The following ATXN10 variants were observed in gnomAD, a reference collection of about 807,000 sequenced individuals.
ATXN10 encodes ataxin 10, also known as ataxin-10.
A neutral mutation model predicts 52.9 loss-of-function variants in ATXN10; 28 were observed. The observed-to-expected ratio is 0.53, with a 90% CI of 0.39 to 0.73. ATXN10 has a LOEUF of 0.73. ATXN10 is among the 30% of genes least tolerant of loss of function. ATXN10 has a pLI of 0.00. For synonymous variants in ATXN10, 226 were observed against 221.5 expected (o/e 1.02, Z -0.18); for missense variants, 565 against 577.0 (o/e 0.98, Z 0.21).
At position 45,705,737 on chromosome 22, in the gene ATXN10, A is replaced by T. The variant is rs73441165; in HGVS notation, c.647+2890A>T. Among the ~76,000 whole-genome samples the T allele has an allele frequency of 7.2e-5, 11 of 152,030 alleles. No individual in the cohort carries two copies. The highest frequency in any genetic ancestry group is 3.3e-4 in the Admixed American group (5 of 15,266). The stretch of plus-strand genomic sequence containing the variant: ...GCGTGAGCCACCGCGCCCGGCCTCC[A>T]CTTGTTACGGGTCTATTCAGATTGT... On this transcript the variant is annotated intron_variant, in intron 5 of 11. Transcript: ENST00000252934. The surrounding 1 kb of genome is among the most constrained non-coding windows in gnomAD (Gnocchi z 5.2).
intron 1 of ATXN10, among the ~76,000 whole-genome samples, chr22:45,686,468 G>A (rs1198302582): frequency 6.6e-6 from 1 of 152,200 alleles, no homozygotes; most frequent in African/African-American, 2.4e-5. Context: ...CATAGAGGGA[G>A]TCTGTTTGTC....
At position 45,737,478 on chromosome 22, in the gene ATXN10, A is replaced by G. The variant is rs561790027; in HGVS notation, c.895-1253A>G. On this transcript the variant is annotated intron_variant, in intron 7 of 11. Coordinates refer to ENST00000252934, the MANE Select transcript of ATXN10 (RefSeq NM_013236.4). Reference sequence around the variant, plus strand: ...CTACTAATCTAGACTTCTAATCTAGATTTTCCCACTTAACTCTTTAGCAAA... The same window carrying G: ...CTACTAATCTAGACTTCTAATCTAGGTTTTCCCACTTAACTCTTTAGCAAA... 3.3e-5 allele frequency among the ~76,000 whole-genome samples: 5 copies of G among 152,258 alleles called. No homozygotes were observed. In the East Asian group the frequency reaches 9.7e-4, roughly 29 times the overall value.
Position 45,757,731 on chromosome 22 carries a change from ATATT to A in ATXN10, c.1173+17198_1173+17201del, listed in dbSNP as rs1228761988. Among the ~76,000 whole-genome samples the A allele has an allele frequency of 3.3e-5, 5 of 152,154 alleles. No individual in the cohort carries two copies. The highest frequency in any genetic ancestry group is 1.2e-4 in the African/African-American group (5 of 41,444). On this transcript the variant is annotated intron_variant, in intron 9 of 11. Coordinates refer to ENST00000252934, the MANE Select transcript of ATXN10 (RefSeq NM_013236.4). This position sits in a 1 kb window ranked among gnomAD's most constrained non-coding sequence, Gnocchi z 4.6. ...TTATAAGTCATATTGTTTTGAAATTATATTTATTAAAAATGTGATTAGAGTTATA... is the reference window on the plus strand; with the variant it reads ...TTATAAGTCATATTGTTTTGAAATTATATTAAAAATGTGATTAGAGTTATA...
chr22:45,794,945 TTAAAG>T lies in ATXN10; in HGVS notation c.1174-12010_1174-12006del, dbSNP rs1927656352. On this transcript the variant is annotated intron_variant, in intron 9 of 11. Coordinates refer to ENST00000252934, the MANE Select transcript of ATXN10 (RefSeq NM_013236.4). ...TTTTCTTTGAAATGTAATTGGCTCT[TTAAAG>T]TAATCATAATGGCAGTATATTAGGG... is the stretch of plus-strand genomic sequence containing the variant. 3.3e-5 allele frequency among the ~76,000 whole-genome samples: 5 copies of T among 152,210 alleles called. No individual in the cohort carries two copies. In the South Asian group the frequency reaches 8.3e-4, roughly 25 times the overall value.
In ATXN10 at chr22:45,672,001, T is replaced by TC; in HGVS notation, c.-58dup. On this transcript the variant is annotated 5_prime_UTR_variant, in exon 1 of 12. Transcript: ENST00000252934. ...TCCTACTCCTCCCTCCTCGTCATCC[T>TC]CCCCCTTCGTCCTCCTCGCCTTCCT... 3 of 1,505,612 alleles carry TC rather than the reference T, an allele frequency of 2.0e-6. No individual in the cohort carries two copies. Among genetic ancestry groups the TC allele is most frequent in the African/African-American group, 1.4e-5 (1 of 71,510 alleles). 93.3% of individuals were successfully genotyped at this position (1,505,612 alleles called of 1,614,324 possible).
At chr22:45,740,213 A>C in intron 8 of ATXN10, 156 bp from the exon 9 acceptor site, 2 of 719,340 alleles carry the variant, frequency 2.8e-6, no homozygotes, top group Non-Finnish European at 4.5e-6. Context: ...TTTGAAGCAA[A>C]GGCAGAAGAG....
In ATXN10 at chr22:45,689,903, G is replaced by A. The variant is rs1923303433; in HGVS notation, c.308G>A (p.Arg103Lys). The A allele has an allele frequency of 6.2e-7, 1 of 1,613,748 alleles. No homozygotes were observed. The highest frequency in any genetic ancestry group is 1.3e-5 in the African/African-American group (1 of 74,920). The change falls in exon 2 of 12, where the codon AGG (arginine) becomes AAG (lysine). Residue 103 changes from arginine to lysine, a missense_variant and splice_region_variant. Coordinates refer to ENST00000252934, the MANE Select transcript of ATXN10 (RefSeq NM_013236.4). ...IECSVNQNSI[R>K]NLDTIGVAVD... ...TGTTCTGTGAACCAGAATTCAATCA[G>A]GTAGTTACACACGTACCTTGGATTC...
At chr22:45,811,928 C>T in intron 10 of ATXN10, 1 of 382,360 alleles carries the variant, frequency 2.6e-6, no homozygotes, top group South Asian at 2.0e-5. Context: ...CTAGACGGCC[C>T]ATCATCCTCA....
chr22:45,696,545 C>T lies in ATXN10; in HGVS notation c.391+3467C>T, dbSNP rs772979008. Among the ~76,000 whole-genome samples, 7 of 152,242 alleles carry T rather than the reference C, an allele frequency of 4.6e-5. No individual in the cohort carries two copies. In the South Asian group the frequency reaches 6.2e-4, roughly 14 times the overall value. ...GCTGGATTTCATCGCCACTTGCCCA[C>T]GCAGAAGCTTTTCTCCTGAAATTAT... On this transcript the variant is annotated intron_variant, in intron 3 of 11. Transcript: ENST00000252934. This position sits in a 1 kb window ranked among gnomAD's most constrained non-coding sequence, Gnocchi z 4.7.
At chr22:45,700,413 A>G in intron 4 of ATXN10, 35 bp downstream of exon 4, 1 of 1,514,818 alleles carries the variant, frequency 6.6e-7, no homozygotes, top group Non-Finnish European at 9.2e-7. Context: ...CTAACTTGTG[A>G]GAAGATTGTG....
At chr22:45,756,904 A>G (rs928871133) in intron 9 of ATXN10, among the ~76,000 whole-genome samples, 21 of 152,236 alleles carry the variant, frequency 1.4e-4, no homozygotes, top group African/African-American at 5.1e-4. Flanking sequence ...AAATGAAATC[A>G]TTTCCATGGC....
Position 45,689,829 on chromosome 22 carries a change from G to A in ATXN10, c.234G>A (p.Leu78=), listed in dbSNP as rs1249939878. 6.2e-7 allele frequency: 1 copy of A among 1,614,086 alleles called. No individual in the cohort carries two copies. Among genetic ancestry groups the A allele is most frequent in the Admixed American group, 1.7e-5 (1 of 60,016 alleles). Reference sequence around the variant, plus strand: ...AAGTGGAAAACCTGGCTTCCAGTCTGCAGTTAATAACAGAATGCTTCAGGT... The same window carrying A: ...AAGTGGAAAACCTGGCTTCCAGTCTACAGTTAATAACAGAATGCTTCAGGT... The part of the protein sequence containing the change: ...PSQVENLASS[L]QLITECFRCL... Residue 78 remains leucine, a synonymous_variant, in exon 2 of 12, where the codon CTG becomes CTA. Transcript: ENST00000252934.
rs1282405661 is a variant in ATXN10 at position 45,727,025 on chromosome 22, T to C, written c.729-2400T>C. Among the ~76,000 whole-genome samples the C allele has an allele frequency of 6.6e-6, 1 of 152,170 alleles. No homozygotes were observed. The highest frequency in any genetic ancestry group is 1.5e-5 in the Non-Finnish European group (1 of 68,020). ...AGTTCTTTGAGGTATGATGTTAGAT[T>C]GTCAACTTGTGGTCTTTCAGACTTT... On this transcript the variant is annotated intron_variant, in intron 6 of 11. Transcript: ENST00000252934. The surrounding 1 kb of genome is among the most constrained non-coding windows in gnomAD (Gnocchi z 4.6).
Position 45,716,184 on chromosome 22 carries a change from G to A in ATXN10, c.648-2229G>A, listed in dbSNP as rs139581010. 1.2e-4 allele frequency among the ~76,000 whole-genome samples: 19 copies of A among 152,236 alleles called. No homozygotes were observed. The East Asian group carries it at 3.7e-3, about 29-fold the overall frequency. On this transcript the variant is annotated intron_variant, in intron 5 of 11. Coordinates refer to ENST00000252934, the MANE Select transcript of ATXN10 (RefSeq NM_013236.4). ...AGAGACTGAGGTGGGAAAATTATTC[G>A]AACCTAGAAGTTTGAGGGTGCAGTG...
At chr22:45,785,756 C>T (rs763195389) in intron 9 of ATXN10, among the ~76,000 whole-genome samples, 26 of 152,182 alleles carry the variant, frequency 1.7e-4, no homozygotes, top group Admixed American at 1.4e-3. Context: ...CTGAGGAAGC[C>T]GCGAGGCTGA....
In ATXN10 at chr22:45,732,997, C is replaced by T. The variant is rs1925148354; in HGVS notation, c.894+3407C>T. Among the ~76,000 whole-genome samples, 1 of 152,136 alleles carries T rather than the reference C, an allele frequency of 6.6e-6. No individual in the cohort carries two copies. The highest frequency in any genetic ancestry group is 1.5e-5 in the Non-Finnish European group (1 of 68,016). ...ATCCCAAGGTTTTCTTCATACGTTT[C>T]TTTATAAAAATAGTTTTGGGTTCTC... On this transcript the variant is annotated intron_variant, in intron 7 of 11. Transcript: ENST00000252934. The surrounding 1 kb of genome is among the most constrained non-coding windows in gnomAD (Gnocchi z 4.5).
At chr22:45,726,825 G>A (rs1032884377) in intron 6 of ATXN10, among the ~76,000 whole-genome samples, 20 of 152,184 alleles carry the variant, frequency 1.3e-4, no homozygotes, top group South Asian at 4.1e-4. Flanking sequence ...GGGACTACAG[G>A]CATGCACCAC....
chr22:45,834,641 G>A (rs193220045), intron 10 of ATXN10, among the ~76,000 whole-genome samples: 4 of 152,012 alleles, frequency 2.6e-5, no homozygotes, highest in East Asian at 1.9e-4. Context: ...GGGAGCTACC[G>A]CCTCATAAGT....
chr22:45,832,737 A>G (rs905209269), intron 10 of ATXN10, among the ~76,000 whole-genome samples: 1 of 152,246 alleles, frequency 6.6e-6, no homozygotes, highest in Admixed American at 6.5e-5. Context: ...CCTTGCTCCA[A>G]CGCCAGTCTA....
Sources: allele counts gnomAD v4.1 joint callset (sites outside exome capture counted in the v4.1 genomes callset), GRCh38; gene constraint gnomAD v4.1.1; non-coding constraint Gnocchi (gnomAD v3.1); transcripts MANE v1.5; gene names NCBI Gene and HGNC (gene_info 2026-07-23, HGNC 2026-07-21).